Variants in PCDH11X observed in about 807,000 individuals in gnomAD.
The protein encoded by PCDH11X is protocadherin-11 X-linked.
A neutral mutation model predicts 53.3 loss-of-function variants in PCDH11X; 18 were observed. That is an observed-to-expected ratio of 0.34 (90% CI 0.23 to 0.50). The LOEUF (loss-of-function observed/expected upper bound fraction) is 0.50, where lower values mean the gene tolerates loss of function less well. Among genes scored for constraint, PCDH11X ranks in the 20% least tolerant of loss-of-function variants. The pLI is 0.98. For synonymous variants in PCDH11X, 279 were observed against 393.3 expected (o/e 0.71, Z 3.44); for missense variants, 570 against 1,032.4 (o/e 0.55, Z 6.14).
Position 92,237,237 on chromosome X carries a change from G to C in PCDH11X, c.3115-25877G>C, listed in dbSNP as rs1185368721. Among the ~76,000 whole-genome samples the C allele has an allele frequency of 2.7e-5, 3 of 110,633 alleles. No individual in the cohort carries two copies. In the South Asian group the frequency reaches 1.1e-3, roughly 42 times the overall value. On this transcript the variant is annotated intron_variant, in intron 7 of 10. Coordinates refer to ENST00000682573, the MANE Select transcript of PCDH11X (RefSeq NM_032968.5). ...TATTTTAAATTTATAATCAGATTTA[G>C]ATTACAGAAAATGAAATCCATAAAG...
intron 6 of PCDH11X, among the ~76,000 whole-genome samples, chrX:92,151,417 C>G (rs2065432337): frequency 9.0e-6 from 1 of 110,864 alleles, no homozygotes; most frequent in African/African-American, 3.3e-5. Flanking sequence ...TGGTCTCGAT[C>G]TCCTGACCTC....
At chrX:92,525,337 A>G (rs1271594785) in intron 10 of PCDH11X, among the ~76,000 whole-genome samples, 3 of 111,937 alleles carry the variant, frequency 2.7e-5, no homozygotes, top group Admixed American at 1.9e-4. Flanking sequence ...AGACTTTAAA[A>G]AAAGTAGAGT....
intron 7 of PCDH11X, among the ~76,000 whole-genome samples, chrX:92,261,090 C>G (rs1350968058): frequency 1.8e-5 from 2 of 108,999 alleles, no homozygotes; most frequent in African/African-American, 6.7e-5. Context: ...TTTAATGTTT[C>G]TATAATCAAA....
intron 8 of PCDH11X, among the ~76,000 whole-genome samples, chrX:92,278,763 T>A (rs984883535): frequency 1.8e-5 from 2 of 108,651 alleles, no homozygotes; most frequent in African/African-American, 6.7e-5. Context: ...ACAGGGGATG[T>A]GATGGCTTGG....
chrX:92,487,609 T>C (rs1180712448), intron 10 of PCDH11X, among the ~76,000 whole-genome samples: 1 of 111,081 alleles, frequency 9.0e-6, no homozygotes, highest in Admixed American at 9.7e-5. Context: ...CTTTACTCTG[T>C]GTCAGGCCTT....
At chrX:92,241,817 T>C (rs781130554) in intron 7 of PCDH11X, among the ~76,000 whole-genome samples, 1 of 112,012 alleles carries the variant, frequency 8.9e-6, no homozygotes, top group Admixed American at 9.5e-5. Context: ...GTTTTAAGGA[T>C]AAAACAAAGA....
chrX:92,023,908 T>TA lies in PCDH11X; in HGVS notation c.3033+144639dup, dbSNP rs747918989. ...TCCATCAAATAAATGAACCAATGAC[T>TA]AAAACCACATGATTATTTCAACAGA... On this transcript the variant is annotated intron_variant, in intron 6 of 10. Transcript: ENST00000682573. Among the ~76,000 whole-genome samples the TA allele has an allele frequency of 9.1e-4, 99 of 108,589 alleles. 1 individual carries two copies. The highest frequency in any genetic ancestry group is 3.2e-3 in the African/African-American group (95 of 29,867). The allele number at this position is 108,589 out of a possible 115,157, so 94.3% of individuals were successfully genotyped here. A position where few individuals can be genotyped will look rare whatever the true frequency, so the allele number is the denominator to read the frequency against.
intron 10 of PCDH11X, among the ~76,000 whole-genome samples, chrX:92,488,061 C>A (rs1197717957): frequency 8.9e-6 from 1 of 112,064 alleles, no homozygotes; most frequent in Non-Finnish European, 1.9e-5. Context: ...TCAGCCTTCC[C>A]AGTAGCTGTG....
chrX:91,999,493 G>T (rs1169658362), intron 6 of PCDH11X, among the ~76,000 whole-genome samples: 1 of 110,990 alleles, frequency 9.0e-6, no homozygotes, highest in Non-Finnish European at 1.9e-5. Flanking sequence ...GATATGTCTG[G>T]AAAGAGGCCA....
intron 6 of PCDH11X, among the ~76,000 whole-genome samples, chrX:91,995,215 TA>T (rs1181231647): frequency 0.027 from 2,149 of 78,990 alleles, 44 homozygotes; most frequent in African/African-American, 0.084. Context: ...GGTGTCACGT[TA>T]AAAAAAAAAA....
chrX:92,504,494 T>G (rs6619054), intron 10 of PCDH11X, among the ~76,000 whole-genome samples: 5,243 of 111,780 alleles, frequency 0.047, 444 homozygotes, highest in East Asian at 0.43. Flanking sequence ...GTACCACATT[T>G]TCTTTATCCA....
intron 6 of PCDH11X, among the ~76,000 whole-genome samples, chrX:92,067,072 C>T (rs2063619837): frequency 8.9e-6 from 1 of 112,018 alleles, no homozygotes. Flanking sequence ...CCACTGCACT[C>T]TAGCCTGGGT....
intron 8 of PCDH11X, among the ~76,000 whole-genome samples, chrX:92,292,734 T>C (rs1261171140): frequency 1.8e-5 from 2 of 112,067 alleles, no homozygotes; most frequent in Admixed American, 1.9e-4. Context: ...TTGGGAACAA[T>C]AGACAAAGAA....
intron 5 of PCDH11X, among the ~76,000 whole-genome samples, chrX:91,843,316 C>A (rs1431610251): frequency 1.1e-5 from 1 of 88,132 alleles, no homozygotes; most frequent in Non-Finnish European, 2.2e-5. Flanking sequence ...TTTTTTCTTT[C>A]TTTTTCTTTG....
chrX:92,150,463 A>G (rs1286615157), intron 6 of PCDH11X, among the ~76,000 whole-genome samples: 53 of 109,167 alleles, frequency 4.9e-4, no homozygotes, highest in Non-Finnish European at 8.4e-4. Flanking sequence ...AAGTCAAACA[A>G]GTTATTGATA....
chrX:91,904,170 GCTATT>G (rs1259999835), intron 6 of PCDH11X, among the ~76,000 whole-genome samples: 4 of 111,010 alleles, frequency 3.6e-5, no homozygotes, highest in African/African-American at 1.3e-4. Context: ...ATATGATAAA[GCTATT>G]ATATTATGTT....
intron 6 of PCDH11X, among the ~76,000 whole-genome samples, chrX:92,010,368 C>G (rs2062669274): frequency 9.1e-6 from 1 of 109,990 alleles, no homozygotes; most frequent in African/African-American, 3.3e-5. Context: ...AATTTGTCAT[C>G]ATTCTTGTCA....
At chrX:92,105,905 C>T (rs1031481521) in intron 6 of PCDH11X, among the ~76,000 whole-genome samples, 2 of 111,422 alleles carry the variant, frequency 1.8e-5, no homozygotes, top group African/African-American at 6.5e-5. Flanking sequence ...GGCTTGGGCT[C>T]AGAGGCCTGA....
intron 5 of PCDH11X, among the ~76,000 whole-genome samples, chrX:91,861,964 T>A (rs1938699455): frequency 9.0e-6 from 1 of 110,905 alleles, no homozygotes; most frequent in African/African-American, 3.3e-5. Context: ...CACTAGCTTT[T>A]TTTGTTCTTC....
Sources: allele counts gnomAD v4.1 joint callset (sites outside exome capture counted in the v4.1 genomes callset), GRCh38; gene constraint gnomAD v4.1.1; transcripts MANE v1.5; gene names NCBI Gene and HGNC (gene_info 2026-07-23, HGNC 2026-07-21).